AGMO: variants seen among roughly 807,000 people sequenced by gnomAD.
AGMO encodes the protein alkylglycerol monooxygenase.
A neutral mutation model predicts 60.2 loss-of-function variants in AGMO; 75 were observed. That is an observed-to-expected ratio of 1.25 (90% CI 1.03 to 1.51). AGMO has a LOEUF of 1.51. Ranked by LOEUF, AGMO falls within the 40% of genes most tolerant of loss-of-function variation. The pLI, the probability that AGMO is intolerant of heterozygous loss-of-function variation, is 0.00. For synonymous variants in AGMO, 261 were observed against 177.1 expected (o/e 1.47, Z -3.76); for missense variants, 763 against 525.5 (o/e 1.45, Z -4.42).
At chr7:15,271,378 T>C (rs1783606212) in intron 12 of AGMO, among the ~76,000 whole-genome samples, 1 of 152,166 alleles carries the variant, frequency 6.6e-6, no homozygotes, top group Admixed American at 6.6e-5. Context: ...GTAAAGACCT[T>C]TCAGCTTCTT....
intron 3 of AGMO, among the ~76,000 whole-genome samples, chr7:15,441,726 A>T (rs1781562081): frequency 6.6e-6 from 1 of 152,184 alleles, no homozygotes; most frequent in Non-Finnish European, 1.5e-5. Context: ...AATGCTTTCT[A>T]TAATTTGTCT....
intron 8 of AGMO, among the ~76,000 whole-genome samples, chr7:15,389,981 C>A (rs1343151239): frequency 6.6e-6 from 1 of 152,094 alleles, no homozygotes; most frequent in East Asian, 1.9e-4. Flanking sequence ...ACCAGTCCCC[C>A]GTACAGAGCT....
chr7:15,487,014 G>C (rs1389988603), intron 3 of AGMO, among the ~76,000 whole-genome samples: 1 of 152,150 alleles, frequency 6.6e-6, no homozygotes, highest in African/African-American at 2.4e-5. Context: ...TGGAAGAGCT[G>C]TTAAAAAACA....
intron 12 of AGMO, among the ~76,000 whole-genome samples, chr7:15,274,834 G>C (rs989998967): frequency 3.3e-5 from 5 of 151,340 alleles, no homozygotes; most frequent in Non-Finnish European, 7.4e-5. Context: ...TTTCTAGTTT[G>C]TGCACATAGA....
At chr7:15,208,697 T>C (rs1001437753) in intron 12 of AGMO, among the ~76,000 whole-genome samples, 2 of 152,194 alleles carry the variant, frequency 1.3e-5, no homozygotes, top group African/African-American at 4.8e-5. Flanking sequence ...TCTGTGAATT[T>C]AAAAATTCTT....
At chr7:15,151,420 G>C in the AGMO span, among the ~76,000 whole-genome samples, 69 of 151,960 alleles carry the variant, frequency 4.5e-4, no homozygotes, top group African/African-American at 1.6e-3. Context: ...TGTTAGATTT[G>C]AGATCTTTCT....
chr7:15,290,542 G>A (rs955803781), intron 12 of AGMO, among the ~76,000 whole-genome samples: 3 of 152,244 alleles, frequency 2.0e-5, no homozygotes, highest in East Asian at 1.9e-4. Flanking sequence ...GCTCTCATAT[G>A]CTTTCTGTTG....
chr7:15,387,406 C>T lies in AGMO; in HGVS notation c.957G>A (p.Glu319=), dbSNP rs1480115757. Residue 319 remains glutamate, a splice_region_variant and synonymous_variant, in exon 9 of 13, where the codon GAG becomes GAA. Transcript: ENST00000342526. ...PRLGLSEEIP[E]VTGKEVPFSS... ...CTCCAATTCTGTGAACTCTATTTACCTCTGGAATTTCTTCACTGAGACCAA... is the reference window on the plus strand; with the variant it reads ...CTCCAATTCTGTGAACTCTATTTACTTCTGGAATTTCTTCACTGAGACCAA... 4 of 1,612,868 alleles carry T rather than the reference C, an allele frequency of 2.5e-6. No homozygotes were observed. In the Admixed American group the frequency reaches 5.0e-5, roughly 20 times the overall value.
intron 3 of AGMO, among the ~76,000 whole-genome samples, chr7:15,522,177 C>G (rs1784013600): frequency 6.6e-6 from 1 of 152,114 alleles, no homozygotes; most frequent in African/African-American, 2.4e-5. Context: ...GAACTACAAA[C>G]CACTGCTCAA....
intron 12 of AGMO, among the ~76,000 whole-genome samples, chr7:15,341,562 C>G (rs1263531337): frequency 6.6e-6 from 1 of 152,144 alleles, no homozygotes; most frequent in Non-Finnish European, 1.5e-5. Context: ...TTCTTCTGGG[C>G]CCTCCAAACT....
At chr7:15,234,124 G>A (rs889274771) in intron 12 of AGMO, among the ~76,000 whole-genome samples, 1 of 152,104 alleles carries the variant, frequency 6.6e-6, no homozygotes, top group African/African-American at 2.4e-5. Context: ...CTTCACTACT[G>A]ACTACAACTT....
At chr7:15,380,117 G>A (rs10246009) in intron 10 of AGMO, among the ~76,000 whole-genome samples, 2 of 151,722 alleles carry the variant, frequency 1.3e-5, no homozygotes. Flanking sequence ...TATGCCCTCC[G>A]TCTCTCACCA....
chr7:15,520,576 AAC>A (rs1409008017), intron 3 of AGMO, among the ~76,000 whole-genome samples: 1 of 152,232 alleles, frequency 6.6e-6, no homozygotes, highest in East Asian at 1.9e-4. Context: ...ATGGAAACCG[AAC>A]AAGCTGCTCC....
chr7:15,256,401 G>C (rs1428422510), intron 12 of AGMO, among the ~76,000 whole-genome samples: 1 of 152,098 alleles, frequency 6.6e-6, no homozygotes, highest in Non-Finnish European at 1.5e-5. Context: ...GGAGTACGGT[G>C]GCGCAATCTC....
At chr7:15,296,609 A>T (rs1784415682) in intron 12 of AGMO, among the ~76,000 whole-genome samples, 1 of 152,160 alleles carries the variant, frequency 6.6e-6, no homozygotes, top group Non-Finnish European at 1.5e-5. Context: ...TAATAGTATA[A>T]ATAACATTTG....
At chr7:15,155,604 G>C in the AGMO span, among the ~76,000 whole-genome samples, 24 of 151,572 alleles carry the variant, frequency 1.6e-4, no homozygotes, top group Non-Finnish European at 2.7e-4. Flanking sequence ...AGCTTCTTTG[G>C]CATCCAGATT....
chr7:15,209,148 A>C (rs1455927535), intron 12 of AGMO, among the ~76,000 whole-genome samples: 3 of 152,178 alleles, frequency 2.0e-5, no homozygotes, highest in African/African-American at 7.2e-5. Flanking sequence ...ACCGATTTTC[A>C]GTGTATTCCA....
chr7:15,275,501 GA>G (rs367745294), intron 12 of AGMO, among the ~76,000 whole-genome samples: 97 of 151,648 alleles, frequency 6.4e-4, no homozygotes, highest in African/African-American at 2.0e-3. Flanking sequence ...ATGCACAGAT[GA>G]AAAAAAATGT....
At chr7:15,170,895 G>T in the AGMO span, among the ~76,000 whole-genome samples, 1 of 152,062 alleles carries the variant, frequency 6.6e-6, no homozygotes, top group Non-Finnish European at 1.5e-5. Flanking sequence ...TACTGGTTAG[G>T]TATTTTGTAG....
Sources: allele counts gnomAD v4.1 joint callset (sites outside exome capture counted in the v4.1 genomes callset), GRCh38; gene constraint gnomAD v4.1.1; transcripts MANE v1.5; gene names NCBI Gene and HGNC (gene_info 2026-07-23, HGNC 2026-07-21).